PFKP: variants seen among roughly 807,000 people sequenced by gnomAD.
PFKP encodes phosphofructokinase, platelet, also known as ATP-dependent 6-phosphofructokinase, platelet type.
PFKP carries 101 observed loss-of-function variants against 94.3 expected under a neutral mutation model. The ratio of observed to expected loss-of-function variants is 1.07; its 90% CI spans 0.91 to 1.26. The LOEUF is 1.26. Ranked by LOEUF, PFKP falls within the 50% of genes most tolerant of loss-of-function variation. The pLI is 0.00. For synonymous variants in PFKP, 573 were observed against 432.6 expected (o/e 1.32, Z -4.03); for missense variants, 1,145 against 1,103.3 (o/e 1.04, Z -0.53).
chr10:3,125,222 C>G, intron 16 of PFKP: 1 of 1,341,198 alleles, frequency 7.5e-7, no homozygotes, highest in South Asian at 1.2e-5. Context: ...GCCTGGGCTC[C>G]GACACTGGCC....
intron 16 of PFKP, among the ~76,000 whole-genome samples, chr10:3,128,187 T>A (rs930305320): frequency 6.6e-6 from 1 of 152,092 alleles, no homozygotes; most frequent in African/African-American, 2.4e-5. Context: ...CTCGGCCGGG[T>A]GCTGCTGATG....
chr10:3,087,877 T>C (rs1204297193), intron 2 of PFKP, among the ~76,000 whole-genome samples: 2 of 152,140 alleles, frequency 1.3e-5, no homozygotes, highest in African/African-American at 4.8e-5. Flanking sequence ...CCGCCAGGAC[T>C]TTGTATGAGT....
At chr10:3,090,156 T>A (rs1421030592) in intron 2 of PFKP, among the ~76,000 whole-genome samples, 1 of 152,174 alleles carries the variant, frequency 6.6e-6, no homozygotes. Context: ...GGTGCGTGGA[T>A]AAAATGTGGC....
intron 2 of PFKP, among the ~76,000 whole-genome samples, chr10:3,092,758 T>C (rs1023602205): frequency 1.3e-5 from 2 of 152,376 alleles, no homozygotes; most frequent in African/African-American, 4.8e-5. Flanking sequence ...ATATTTCTTT[T>C]GGGTTAAAAT....
At chr10:3,112,200 C>A in intron 10 of PFKP, 22 bp from the exon 11 acceptor site, 4 of 1,603,736 alleles carry the variant, frequency 2.5e-6, no homozygotes. Context: ...ATTCTTTCTT[C>A]TTTTCATCAT....
At position 3,119,991 on chromosome 10, in the gene PFKP, C is replaced by T. The variant is rs1837238441; in HGVS notation, c.1630C>T (p.Pro544Ser). 1 of 1,613,984 alleles carries T rather than the reference C, an allele frequency of 6.2e-7. No homozygotes were observed. Among genetic ancestry groups the T allele is most frequent in the South Asian group, 1.1e-5 (1 of 91,072 alleles). Residue 544 changes from proline (P) to serine (S), a missense_variant, in exon 16 of 22, where the codon CCG becomes TCG. By Grantham distance (74) the Pro-to-Ser change is moderately conservative. Coordinates refer to ENST00000381125, the MANE Select transcript of PFKP (RefSeq NM_002627.5). ...TCCCGCTACTGTGTCCAACAATGTGCCGGGTTCCGATTTCAGCATCGGGGC... is the reference window on the plus strand; with the variant it reads ...TCCCGCTACTGTGTCCAACAATGTGTCGGGTTCCGATTTCAGCATCGGGGC... Reference protein sequence around the residue: ...MVPATVSNNVPGSDFSIGADT... With the variant: ...MVPATVSNNVSGSDFSIGADT...
intron 16 of PFKP, among the ~76,000 whole-genome samples, chr10:3,128,147 C>G (rs1033017070): frequency 6.6e-6 from 1 of 152,182 alleles, no homozygotes; most frequent in Non-Finnish European, 1.5e-5. Context: ...CATTCAGAGA[C>G]AAGCATTTCT....
chr10:3,096,474 C>T (rs543537994), intron 2 of PFKP, among the ~76,000 whole-genome samples: 13 of 152,286 alleles, frequency 8.5e-5, no homozygotes, highest in African/African-American at 3.1e-4. Context: ...CCCAGGTTTA[C>T]GGCCGCTCTA....
intron 16 of PFKP, among the ~76,000 whole-genome samples, chr10:3,121,765 A>G: frequency 8.0e-6 from 1 of 125,542 alleles, no homozygotes; most frequent in Admixed American, 8.3e-5. Context: ...CATTCATTCG[A>G]GTTTCTCGAA....
At chr10:3,123,636 G>C (rs1433275241) in intron 16 of PFKP, among the ~76,000 whole-genome samples, 2 of 152,196 alleles carry the variant, frequency 1.3e-5, no homozygotes, top group Non-Finnish European at 2.9e-5. Context: ...AGCCAGTCTT[G>C]GTCAGTCCTG....
chr10:3,120,017 A>G lies in PFKP; in HGVS notation c.1656A>G (p.Ala552=). 6.2e-7 allele frequency: 1 copy of G among 1,614,166 alleles called. No individual in the cohort carries two copies. Among genetic ancestry groups the G allele is most frequent in the African/African-American group, 1.3e-5 (1 of 75,072 alleles). The part of the protein sequence containing the change: ...NVPGSDFSIG[A]DTALNTITDT... ...CGGGTTCCGATTTCAGCATCGGGGC[A>G]GACACCGCCCTGAACACTATCACCG... is the stretch of plus-strand genomic sequence containing the variant. The change falls in exon 16 of 22, where the codon GCA becomes GCG. Residue 552 remains alanine (A), a synonymous_variant. Transcript: ENST00000381125.
chr10:3,071,441 T>TG (rs563128179), intron 1 of PFKP, among the ~76,000 whole-genome samples: 12,908 of 122,316 alleles, frequency 0.11, 546 homozygotes, highest in Non-Finnish European at 0.16. Flanking sequence ...TTTTTTTTTT[T>TG]TTTTTTTTCT....
At chr10:3,081,376 A>C (rs574470627) in intron 1 of PFKP, among the ~76,000 whole-genome samples, 1 of 152,356 alleles carries the variant, frequency 6.6e-6, no homozygotes, top group Admixed American at 6.5e-5. Context: ...ATTGACTGGA[A>C]ACATCACTGG....
At chr10:3,083,338 G>A (rs936420356) in intron 2 of PFKP, among the ~76,000 whole-genome samples, 2 of 152,088 alleles carry the variant, frequency 1.3e-5, no homozygotes, top group African/African-American at 4.8e-5. Flanking sequence ...TTGAAAGGAA[G>A]GCACCAATAG....
At chr10:3,093,638 CTTTTTTT>C (rs765547765) in intron 2 of PFKP, among the ~76,000 whole-genome samples, 18 of 94,056 alleles carry the variant, frequency 1.9e-4, no homozygotes, top group African/African-American at 8.0e-4. Context: ...CAAGCATTAT[CTTTTTTT>C]TTTTTTTTTT....
At chr10:3,128,351 G>GC (rs1838180839) in intron 16 of PFKP, among the ~76,000 whole-genome samples, 1 of 152,228 alleles carries the variant, frequency 6.6e-6, no homozygotes, top group Non-Finnish European at 1.5e-5. Context: ...GGCTCCGAGA[G>GC]CCCCTGACAG....
At chr10:3,074,254 G>C (rs777960741) in intron 1 of PFKP, among the ~76,000 whole-genome samples, 1 of 152,236 alleles carries the variant, frequency 6.6e-6, no homozygotes, top group Non-Finnish European at 1.5e-5. Flanking sequence ...CACTCCTGTG[G>C]TGAGGTGCGG....
intron 9 of PFKP, 58 bp from the exon 10 acceptor site, chr10:3,109,297 T>TG: frequency 6.3e-7 from 1 of 1,598,826 alleles, no homozygotes; most frequent in Non-Finnish European, 8.5e-7. Context: ...AGATAGGAGG[T>TG]GACAGGGACA....
chr10:3,108,157 G>A (rs1042773019), intron 8 of PFKP, among the ~76,000 whole-genome samples: 2 of 152,204 alleles, frequency 1.3e-5, no homozygotes, highest in African/African-American at 2.4e-5. Context: ...ACAATGGACC[G>A]AGAAGGAACC....
Sources: gnomAD v4.1 joint callset for allele counts (sites outside exome capture counted in the v4.1 genomes callset) on GRCh38, gnomAD v4.1.1 for gene constraint, MANE v1.5 for transcripts, NCBI Gene and HGNC (gene_info 2026-07-23, HGNC 2026-07-21) for gene names.